CACNA1C: variants seen among roughly 807,000 people sequenced by gnomAD.
CACNA1C encodes the protein calcium voltage-gated channel subunit alpha1 C.
A neutral mutation model predicts 229.0 loss-of-function variants in CACNA1C; 30 were observed. The observed-to-expected ratio is 0.13, with a 90% confidence interval of 0.10 to 0.18. The LOEUF (loss-of-function observed/expected upper bound fraction) is 0.18, where lower values mean the gene tolerates loss of function less well. CACNA1C is among the 10% of genes least tolerant of loss of function. CACNA1C has a pLI of 1.00. For missense variants in CACNA1C, 1,658 were observed against 2,845.0 expected (o/e 0.58, Z 9.49); for synonymous variants, 1,114 against 1,132.5 (o/e 0.98, Z 0.33).
At chr12:2,371,838 T>G (rs929873406) in intron 3 of CACNA1C, among the ~76,000 whole-genome samples, 41 of 151,700 alleles carry the variant, frequency 2.7e-4, no homozygotes, top group African/African-American at 9.9e-4. Flanking sequence ...TCTACCTGGA[T>G]GATGGGCTCT....
chr12:2,009,278 CA>C (rs1593600439), intron 1 of CACNA1C, among the ~76,000 whole-genome samples: 1 of 152,196 alleles, frequency 6.6e-6, no homozygotes. Context: ...ATTTTTATAC[CA>C]TGGCAATGAC....
In CACNA1C at chr12:2,319,029, G is replaced by A. The variant is rs2095836809; in HGVS notation, c.478-129947G>A. Among the ~76,000 whole-genome samples the A allele has an allele frequency of 6.6e-6, 1 of 152,022 alleles. No individual in the cohort carries two copies. Among genetic ancestry groups the A allele is most frequent in the South Asian group, 2.1e-4 (1 of 4,822 alleles). On this transcript the variant is annotated intron_variant, in intron 3 of 46. Coordinates refer to ENST00000399655, the MANE Select transcript of CACNA1C (RefSeq NM_000719.7). The surrounding 1 kb of genome is among the most constrained non-coding windows in gnomAD (Gnocchi z 4.0). The stretch of plus-strand genomic sequence containing the variant: ...GAGCTCCTTTTCTGACAATAGTGGT[G>A]TTTCCAAGGACCAATCTTTACTCTC...
At chr12:2,073,553 C>T (rs540219069) in intron 1 of CACNA1C, among the ~76,000 whole-genome samples, 3 of 152,194 alleles carry the variant, frequency 2.0e-5, no homozygotes, top group Admixed American at 6.5e-5. Flanking sequence ...GGGAGGAGAA[C>T]GGTCTTTAGG....
chr12:2,247,267 G>A (rs1012252509), intron 3 of CACNA1C, among the ~76,000 whole-genome samples: 4 of 152,154 alleles, frequency 2.6e-5, no homozygotes, highest in East Asian at 1.9e-4. Flanking sequence ...GAGCACCCTC[G>A]CCTTTTCCTG....
At chr12:2,069,426 C>T (rs1009462998) in intron 1 of CACNA1C, among the ~76,000 whole-genome samples, 15 of 152,040 alleles carry the variant, frequency 9.9e-5, no homozygotes, top group South Asian at 2.1e-4. Flanking sequence ...TGTGCCTGTA[C>T]GTGTGTGGAT....
At chr12:2,320,758 A>G (rs1268482114) in intron 3 of CACNA1C, among the ~76,000 whole-genome samples, 1 of 152,180 alleles carries the variant, frequency 6.6e-6, no homozygotes, top group Non-Finnish European at 1.5e-5. Context: ...AAAGCTCTCT[A>G]TTAAATCAGC....
intron 3 of CACNA1C, among the ~76,000 whole-genome samples, chr12:2,254,619 C>A (rs1600848248): frequency 6.6e-6 from 1 of 152,188 alleles, no homozygotes; most frequent in East Asian, 1.9e-4. Context: ...CTACTGCTCA[C>A]CCCTGTCCCC....
chr12:2,452,300 G>T (rs2099385977), intron 4 of CACNA1C, among the ~76,000 whole-genome samples: 1 of 152,112 alleles, frequency 6.6e-6, no homozygotes, highest in South Asian at 2.1e-4. Flanking sequence ...AATAAACACA[G>T]AGGGACTGTG....
At chr12:2,465,902 G>A (rs1469877650) in intron 5 of CACNA1C, among the ~76,000 whole-genome samples, 1 of 152,060 alleles carries the variant, frequency 6.6e-6, no homozygotes, top group East Asian at 1.9e-4. Flanking sequence ...TCTGTCCTGA[G>A]CGCCCTGCCA....
intron 3 of CACNA1C, among the ~76,000 whole-genome samples, chr12:2,291,105 C>G (rs1046150496): frequency 6.6e-6 from 1 of 152,158 alleles, no homozygotes; most frequent in Non-Finnish European, 1.5e-5. Flanking sequence ...GTGAATATGT[C>G]GTAGGGTTGT....
intron 3 of CACNA1C, among the ~76,000 whole-genome samples, chr12:2,324,927 C>T (rs573121607): frequency 6.6e-6 from 1 of 152,202 alleles, no homozygotes; most frequent in Non-Finnish European, 1.5e-5. Flanking sequence ...TTAGTCGTTA[C>T]TGTTGCCTGG....
chr12:2,259,292 T>C (rs1378630234), intron 3 of CACNA1C, among the ~76,000 whole-genome samples: 1 of 152,202 alleles, frequency 6.6e-6, no homozygotes, highest in Non-Finnish European at 1.5e-5. Context: ...CAGGTTTTTG[T>C]GATGTATGCT....
intron 29 of CACNA1C, among the ~76,000 whole-genome samples, chr12:2,621,112 T>A (rs772959599): frequency 2.0e-5 from 3 of 152,202 alleles, no homozygotes; most frequent in Non-Finnish European, 4.4e-5. Flanking sequence ...TTTCCATCTT[T>A]TCTTTCTATA....
intron 9 of CACNA1C, among the ~76,000 whole-genome samples, chr12:2,527,523 C>G (rs1244954149): frequency 6.6e-6 from 1 of 152,120 alleles, no homozygotes; most frequent in African/African-American, 2.4e-5. Flanking sequence ...TAATGGTGTC[C>G]ACTGTCAGTT....
intron 4 of CACNA1C, among the ~76,000 whole-genome samples, chr12:2,452,029 T>C (rs577708054): frequency 6.6e-6 from 1 of 152,310 alleles, no homozygotes; most frequent in Admixed American, 6.5e-5. Flanking sequence ...CAATATTAAA[T>C]GGGTAGCCCT....
chr12:2,062,750 G>A (rs1391446552), intron 1 of CACNA1C, among the ~76,000 whole-genome samples: 1 of 152,038 alleles, frequency 6.6e-6, no homozygotes. Context: ...TTGTCTCCCG[G>A]GGGACCCATT....
At chr12:2,066,682 A>G (rs1435211431) in intron 1 of CACNA1C, among the ~76,000 whole-genome samples, 3 of 152,172 alleles carry the variant, frequency 2.0e-5, no homozygotes, top group Non-Finnish European at 4.4e-5. Context: ...TTGTTGGCAC[A>G]TGAGAGATTG....
chr12:2,359,649 G>A (rs965231540), intron 3 of CACNA1C, among the ~76,000 whole-genome samples: 4 of 151,896 alleles, frequency 2.6e-5, no homozygotes, highest in Admixed American at 1.3e-4. Flanking sequence ...AGAGAAAAGC[G>A]GGGAAATGAT....
chr12:2,604,743 G>A (rs936926388), intron 22 of CACNA1C, among the ~76,000 whole-genome samples: 1 of 152,178 alleles, frequency 6.6e-6, no homozygotes, highest in African/African-American at 2.4e-5. Context: ...CCTGCACTGG[G>A]GTCTGAATTC....
Sources: allele counts gnomAD v4.1 joint callset (sites outside exome capture counted in the v4.1 genomes callset), GRCh38; gene constraint gnomAD v4.1.1; non-coding constraint Gnocchi (gnomAD v3.1); transcripts MANE v1.5; gene names NCBI Gene and HGNC (gene_info 2026-07-23, HGNC 2026-07-21).